NCAPD3: variants seen among roughly 807,000 people sequenced by gnomAD.
The protein encoded by NCAPD3 is condensin-2 complex subunit D3.
In NCAPD3, 105 loss-of-function variants were observed where a neutral mutation model predicts 182.9. The observed-to-expected ratio is 0.57, with a 90% CI of 0.49 to 0.68. The LOEUF (loss-of-function observed/expected upper bound fraction) is 0.68. NCAPD3 is among the 30% of genes least tolerant of loss of function. NCAPD3 has a pLI of 0.00. For missense variants in NCAPD3, 1,944 were observed against 1,837.0 expected, an observed-to-expected ratio of 1.06 and a Z score of -1.07; for synonymous variants, 815 against 679.9, an observed-to-expected ratio of 1.20 and a Z score of -3.09.
chr11:134,178,379 A>T, intron 22 of NCAPD3: 1 of 320,654 alleles, frequency 3.1e-6, no homozygotes. Flanking sequence ...AACCCTACTG[A>T]AAAACAAAAG....
At chr11:134,221,461 G>A (rs1009804277) in intron 1 of NCAPD3, among the ~76,000 whole-genome samples, 3 of 151,730 alleles carry the variant, frequency 2.0e-5, no homozygotes, top group African/African-American at 7.3e-5. Context: ...TACCATGGTG[G>A]TTTGCTGTAC....
chr11:134,171,371 C>T (rs966110177), intron 24 of NCAPD3, among the ~76,000 whole-genome samples: 3 of 152,156 alleles, frequency 2.0e-5, no homozygotes, highest in South Asian at 2.1e-4. Context: ...CCCAAAAGGC[C>T]ACAAGGTAAG....
rs1944221886 is a variant in NCAPD3, at chr11:134,178,574, CTTAAG to C, written c.2782+55_2782+59del. The C allele has an allele frequency of 2.7e-5, 36 of 1,333,490 alleles. 1 individual carries two copies. In the South Asian group the frequency reaches 5.5e-4, roughly 20 times the overall value. The allele number at this position is 1,333,490 out of a possible 1,614,324, so 82.6% of individuals were successfully genotyped here. ...TGACACAGTCCCATGGCTGGGCTTACTTAAGACAACAGCTACACACAGAACGATGT... is the reference window on the plus strand; with the variant it reads ...TGACACAGTCCCATGGCTGGGCTTACACAACAGCTACACACAGAACGATGT... On this transcript the variant is annotated intron_variant, in intron 22 of 34. Transcript: ENST00000534548.
rs1249831283 is a variant in NCAPD3 at position 134,185,510 on chromosome 11, C to A, written c.2062G>T (p.Ala688Ser). 5 of 1,586,380 alleles carry A rather than the reference C, an allele frequency of 3.2e-6. No homozygotes were observed. The highest frequency in any genetic ancestry group is 1.4e-5 in the African/African-American group (1 of 73,064). ...SQELSRYLNK[A>S]FHIWSKKEKF... ...TCTTTCTTGGACCAGATATGAAAAG[C>A]CTTATTTAAATATCGGCTGGAAAAA... Residue 688 changes from alanine (A) to serine (S), a missense_variant, in exon 17 of 35, where the codon GCT (alanine) becomes TCT (serine). Physicochemically the swap from Ala to Ser is moderately conservative, Grantham distance 99. Coordinates refer to ENST00000534548, the MANE Select transcript of NCAPD3 (RefSeq NM_015261.3).
At chr11:134,218,815 C>T (rs1031380) in intron 2 of NCAPD3, among the ~76,000 whole-genome samples, 7,750 of 152,214 alleles carry the variant, frequency 0.051, 261 homozygotes, top group Non-Finnish European at 0.079. Context: ...CTCATAACAC[C>T]TGGATCACCA....
At position 134,192,896 on chromosome 11, in the gene NCAPD3, C is replaced by T. The variant is rs757129034; in HGVS notation, c.1838G>A (p.Cys613Tyr). Residue 613 changes from cysteine (C) to tyrosine (Y), a missense_variant, in exon 16 of 35, where the codon TGC becomes TAC. By Grantham distance (194) the Cys-to-Tyr change is radical. Coordinates refer to ENST00000534548, the MANE Select transcript of NCAPD3 (RefSeq NM_015261.3). The stretch of plus-strand genomic sequence containing the variant: ...CAACCAGGCTTTCTGGATCTGCACG[C>T]ATCTAGGCTGAGCCTTAGGAGTGAA... ...LTELLMAQPR[C>Y]VQIQKAWLRG... 8 of 1,606,520 alleles carry T rather than the reference C, an allele frequency of 5.0e-6. No homozygotes were observed. In the East Asian group the frequency reaches 1.8e-4, roughly 36 times the overall value.
chr11:134,163,472 G>A (rs925181631), intron 27 of NCAPD3, among the ~76,000 whole-genome samples: 1 of 152,012 alleles, frequency 6.6e-6, no homozygotes. Flanking sequence ...GGCCGAGGCG[G>A]GCAGATCACG....
chr11:134,194,873 G>A (rs1944595031), intron 13 of NCAPD3, 135 bp from the exon 14 acceptor site: 2 of 532,648 alleles, frequency 3.8e-6, no homozygotes, highest in Middle Eastern at 2.8e-4. Flanking sequence ...AGAAATGAGA[G>A]TGTGGAAAAA....
rs946232925 is a variant in NCAPD3 at position 134,151,205 on chromosome 11, A to G, written c.*1739T>C. The stretch of plus-strand genomic sequence containing the variant: ...ACTTTGACAGCTTTTTTTTAATTGC[A>G]TACATGAGACTGTGTTGACTTTTTT... On this transcript the variant is annotated 3_prime_UTR_variant, in exon 35 of 35. Transcript: ENST00000534548. The G allele has an allele frequency of 2.6e-5, 4 of 152,210 alleles. No individual in the cohort carries two copies. The highest frequency in any genetic ancestry group is 5.9e-5 in the Non-Finnish European group (4 of 68,046). The allele number at this position is 152,210 out of a possible 1,614,324, so 9.4% of individuals were successfully genotyped here.
At chr11:134,153,526 C>T in intron 32 of NCAPD3, 163 bp from the exon 33 acceptor site, 1 of 706,892 alleles carries the variant, frequency 1.4e-6, no homozygotes, top group Non-Finnish European at 2.5e-6. Context: ...TGTTGAGGGC[C>T]CCTCCTGGGG....
chr11:134,181,128 G>T lies in NCAPD3; in HGVS notation c.2508C>A (p.Ser836=). 6.2e-7 allele frequency: 1 copy of T among 1,614,108 alleles called. No homozygotes were observed. Among genetic ancestry groups the T allele is most frequent in the Non-Finnish European group, 8.5e-7 (1 of 1,180,008 alleles). The part of the protein sequence containing the change: ...DVLSTCEHRL[S]NIVLKENGTG... ...TTCCATTCTCCTTGAGAACGATGTTGGAGAGGCGGTGCTCGCAGGTGGAGA... is the reference window on the plus strand; with the variant it reads ...TTCCATTCTCCTTGAGAACGATGTTTGAGAGGCGGTGCTCGCAGGTGGAGA... The change falls in exon 20 of 35, where the codon TCC becomes TCA. Residue 836 remains serine (S), a synonymous_variant. Transcript: ENST00000534548.
intron 32 of NCAPD3, 27 bp from the exon 33 acceptor site, chr11:134,153,390 T>C (rs111889758): frequency 3.7e-6 from 6 of 1,607,346 alleles, no homozygotes; most frequent in African/African-American, 1.4e-5. Context: ...CACCACTGAG[T>C]GAAAGCCGCG....
rs899492377 is a variant in NCAPD3 at position 134,153,257 on chromosome 11, T to C, written c.4327+32A>G. 7 of 1,613,712 alleles carry C rather than the reference T, an allele frequency of 4.3e-6. No homozygotes were observed. The African/African-American group carries it at 9.3e-5, about 22-fold the overall frequency. On this transcript the variant is annotated intron_variant, in intron 33 of 34. Coordinates refer to ENST00000534548, the MANE Select transcript of NCAPD3 (RefSeq NM_015261.3). ...TTCCCAGAACCTCAAAGGCAGTGCATCTATCAGCCCAGAAGGACACCAAGA... is the reference window on the plus strand; with the variant it reads ...TTCCCAGAACCTCAAAGGCAGTGCACCTATCAGCCCAGAAGGACACCAAGA...
In NCAPD3 at chr11:134,210,403, T is replaced by C. The variant is rs1937790632; in HGVS notation, c.434A>G (p.Gln145Arg). The C allele has an allele frequency of 1.2e-6, 2 of 1,614,200 alleles. No individual in the cohort carries two copies. Among genetic ancestry groups the C allele is most frequent in the Non-Finnish European group, 1.7e-6 (2 of 1,180,002 alleles). The change falls in exon 4 of 35, where the codon CAG becomes CGG. Residue 145 changes from glutamine (Q) to arginine (R), a missense_variant. By Grantham distance (43) the Gln-to-Arg change is conservative. This residue lies in a region of NCAPD3 where 1,803 missense variants were observed against 1,674.6 expected (regional missense o/e 1.08). Coordinates refer to ENST00000534548, the MANE Select transcript of NCAPD3 (RefSeq NM_015261.3). ...CTGGGGCCAGCTCTTCTTTAGAGTC[T>C]GAATGCATTTGTCAAACATCACTGG... is the stretch of plus-strand genomic sequence containing the variant. ...FHPVMFDKCI[Q>R]TLKKSWPQES... is the part of the protein sequence containing the mutation.
intron 32 of NCAPD3, 194 bp from the exon 33 acceptor site, chr11:134,153,557 G>A: frequency 1.6e-6 from 1 of 625,792 alleles, no homozygotes; most frequent in Non-Finnish European, 2.9e-6. Context: ...CCGTCTCTCT[G>A]ACCCCCTTCT....
intron 27 of NCAPD3, among the ~76,000 whole-genome samples, chr11:134,163,871 C>CAA (rs60340458): frequency 0.31 from 21,846 of 70,304 alleles, 3,288 homozygotes; most frequent in African/African-American, 0.43. Flanking sequence ...GATTCTGTCT[C>CAA]AAAAAAAAAA....
rs1295436924 is a variant in NCAPD3, at chr11:134,152,335, G to A, written c.*609C>T. ...CAATCATCTTTTTTCTAATAGGGAAGATTTGGTTTCATTCCTCTAACAAAC... is the reference window on the plus strand; with the variant it reads ...CAATCATCTTTTTTCTAATAGGGAAAATTTGGTTTCATTCCTCTAACAAAC... On this transcript the variant is annotated 3_prime_UTR_variant, in exon 35 of 35. Transcript: ENST00000534548. 1.3e-5 allele frequency: 2 copies of A among 152,234 alleles called. No homozygotes were observed. The highest frequency in any genetic ancestry group is 4.8e-5 in the African/African-American group (2 of 41,462). The allele number at this position is 152,234 out of a possible 1,614,324, so 9.4% of individuals were successfully genotyped here. A position where few individuals can be genotyped will look rare whatever the true frequency, so the allele number is the denominator to read the frequency against.
intron 27 of NCAPD3, 146 bp downstream of exon 27, chr11:134,167,850 G>T (rs1591829983): frequency 5.1e-6 from 4 of 788,464 alleles, no homozygotes; most frequent in Middle Eastern, 3.5e-4. Flanking sequence ...GAGCTTGGGG[G>T]AGCAGCACAC....
intron 24 of NCAPD3, chr11:134,173,210 A>G (rs940289913): frequency 6.5e-6 from 1 of 152,822 alleles, no homozygotes; most frequent in Non-Finnish European, 1.5e-5. Flanking sequence ...GAGGCCCCCA[A>G]CCTCATAGCT....
Sources: gnomAD v4.1 joint callset for allele counts (sites outside exome capture counted in the v4.1 genomes callset) on GRCh38, gnomAD v4.1.1 for gene constraint, gnomAD v4.1.1 regional missense constraint, MANE v1.5 for transcripts, NCBI Gene and HGNC (gene_info 2026-07-23, HGNC 2026-07-21) for gene names.